The following NUP153 variants were observed in gnomAD, a reference collection of about 807,000 sequenced individuals.
The protein encoded by NUP153 is nuclear pore complex protein Nup153.
A neutral mutation model predicts 134.6 loss-of-function variants in NUP153; 27 were observed. The observed-to-expected ratio is 0.20, with a 90% CI of 0.15 to 0.28. The LOEUF is 0.28. NUP153 is among the 10% of genes least tolerant of loss of function. The probability of loss-of-function intolerance (pLI) is 1.00; values close to 1 mark genes in which losing one functional copy is unlikely to be tolerated. For synonymous variants in NUP153, 640 were observed against 623.5 expected (o/e 1.03, Z -0.40); for missense variants, 1,821 against 1,731.3 (o/e 1.05, Z -0.92).
At chr6:17,698,511 G>T (rs1769813376) in intron 1 of NUP153, among the ~76,000 whole-genome samples, 1 of 152,116 alleles carries the variant, frequency 6.6e-6, no homozygotes, top group Non-Finnish European at 1.5e-5. Context: ...GGCCGAGGTG[G>T]GCGGATCACA....
chr6:17,706,432 G>A lies in NUP153; in HGVS notation c.-45C>T, dbSNP rs779991166. ...CCCGCTCCGGGGCGGGTAAGGGGGC[G>A]GGAGAGGCAGAGGCGGAGGCCTTAG... On this transcript the variant is annotated 5_prime_UTR_variant, in exon 1 of 22. Transcript: ENST00000262077. The surrounding 1 kb of genome is among the most constrained non-coding windows in gnomAD (Gnocchi z 5.9). The A allele has an allele frequency of 4.0e-6, 6 of 1,508,660 alleles. No individual in the cohort carries two copies. In the South Asian group the frequency reaches 4.5e-5, roughly 11 times the overall value. The allele number at this position is 1,508,660 out of a possible 1,614,324, so 93.5% of individuals were successfully genotyped here.
intron 1 of NUP153, among the ~76,000 whole-genome samples, chr6:17,697,749 A>T (rs1362288764): frequency 1.3e-5 from 2 of 151,152 alleles, no homozygotes. Context: ...ACACTAACTC[A>T]GAAACAGCTG....
chr6:17,683,631 G>A (rs985354276), intron 2 of NUP153, among the ~76,000 whole-genome samples: 2 of 152,152 alleles, frequency 1.3e-5, no homozygotes, highest in African/African-American at 4.8e-5. Context: ...CACAGGCAGA[G>A]TAGATTTAGC....
intron 2 of NUP153, among the ~76,000 whole-genome samples, chr6:17,684,723 A>G (rs887889965): frequency 3.3e-5 from 5 of 152,188 alleles, no homozygotes; most frequent in African/African-American, 1.2e-4. Flanking sequence ...CAGCTTTTGG[A>G]TAAAAGACGG....
chr6:17,677,949 ACACATTAC>A (rs1180937120), intron 2 of NUP153, among the ~76,000 whole-genome samples: 1 of 152,096 alleles, frequency 6.6e-6, no homozygotes, highest in Non-Finnish European at 1.5e-5. Flanking sequence ...TCTTATTCTA[ACACATTAC>A]CACATCCCCA....
intron 11 of NUP153, 108 bp downstream of exon 11, chr6:17,661,545 A>G: frequency 2.0e-6 from 2 of 1,024,054 alleles, no homozygotes; most frequent in Non-Finnish European, 1.3e-6. Context: ...TAGCAGATTA[A>G]TTTTGCTCTG....
At chr6:17,646,918 C>CTTTTTT (rs376244443) in intron 13 of NUP153, among the ~76,000 whole-genome samples, 4 of 131,112 alleles carry the variant, frequency 3.1e-5, no homozygotes, top group African/African-American at 5.7e-5. Context: ...TCTGTATTTT[C>CTTTTTT]TTTTTTTTTT....
intron 20 of NUP153, among the ~76,000 whole-genome samples, chr6:17,620,734 G>C (rs1764605193): frequency 6.6e-6 from 1 of 152,082 alleles, no homozygotes; most frequent in African/African-American, 2.4e-5. Context: ...AATGTATCTT[G>C]TGTTTGGCCG....
intron 14 of NUP153, among the ~76,000 whole-genome samples, chr6:17,644,345 A>G (rs762375642): frequency 6.6e-6 from 1 of 152,080 alleles, no homozygotes; most frequent in Non-Finnish European, 1.5e-5. Flanking sequence ...TGCTATCACT[A>G]TACTCACATC....
intron 11 of NUP153, among the ~76,000 whole-genome samples, chr6:17,657,801 T>C (rs114812432): frequency 0.011 from 1,644 of 152,358 alleles, 14 homozygotes; most frequent in Non-Finnish European, 0.019. Context: ...CAAACGTAAT[T>C]GCAGTTTTGC....
intron 2 of NUP153, among the ~76,000 whole-genome samples, chr6:17,678,876 T>C (rs1768399282): frequency 6.6e-6 from 1 of 150,808 alleles, no homozygotes; most frequent in African/African-American, 2.4e-5. Context: ...AGCCCAGGAG[T>C]TCAAGGCTGC....
chr6:17,675,148 T>G lies in NUP153; in HGVS notation c.723+81A>C. On this transcript the variant is annotated intron_variant, in intron 4 of 21. Coordinates refer to ENST00000262077, the MANE Select transcript of NUP153 (RefSeq NM_005124.4). The surrounding 1 kb of genome is among the most constrained non-coding windows in gnomAD (Gnocchi z 4.4). ...AGCCTGGGCAACAGCAAAAGACTCT[T>G]GTCTCAGAAAAAAAAAAAAAAATTA... is the stretch of plus-strand genomic sequence containing the variant. The G allele has an allele frequency of 6.5e-7, 1 of 1,542,762 alleles. No individual in the cohort carries two copies. The highest frequency in any genetic ancestry group is 8.8e-7 in the Non-Finnish European group (1 of 1,139,132).
intron 8 of NUP153, among the ~76,000 whole-genome samples, chr6:17,667,084 T>G (rs1581730464): frequency 6.6e-6 from 1 of 152,362 alleles, no homozygotes; most frequent in Admixed American, 6.5e-5. Context: ...AAACTGTTAT[T>G]GATAAGAACT....
chr6:17,688,609 T>A lies in NUP153; in HGVS notation c.121A>T (p.Ser41Cys), dbSNP rs759847131. ...TTCTTAACAGATTCTGTAACCCTGC[T>A]AAGAATGCCCTGTTGAGAGAAAAAA... ...QGRQQHQGIL[S>C]RVTESVKNIV... The change falls in exon 2 of 22, where the codon AGC becomes TGC. Residue 41 changes from serine (S) to cysteine (C), a missense_variant. Ser to Cys is a moderately radical substitution (Grantham distance 112, BLOSUM62 -1). Transcript: ENST00000262077. 1.9e-6 allele frequency: 3 copies of A among 1,610,866 alleles called. No individual in the cohort carries two copies. The African/African-American group carries it at 4.0e-5, about 22-fold the overall frequency.
intron 5 of NUP153, among the ~76,000 whole-genome samples, chr6:17,671,594 C>T (rs9371007): frequency 0.45 from 68,224 of 151,926 alleles, 16,159 homozygotes; most frequent in Middle Eastern, 0.74. Context: ...CACTACAAAA[C>T]ACTGATGAAA....
chr6:17,667,453 G>A (rs566633959), intron 8 of NUP153, among the ~76,000 whole-genome samples: 6 of 152,278 alleles, frequency 3.9e-5, no homozygotes, highest in East Asian at 1.9e-4. Context: ...GGTGGCTCAC[G>A]CCTGTAATCC....
rs1389702878 is a variant in NUP153 at position 17,663,260 on chromosome 6, C to CACAT, written c.1216-1191_1216-1190insATGT. ...ACACACACACACACACACACACACA[C>CACAT]ATATATATATATATATTTTGAGTCA... is the stretch of plus-strand genomic sequence containing the variant. On this transcript the variant is annotated intron_variant, in intron 9 of 21. Coordinates refer to ENST00000262077, the MANE Select transcript of NUP153 (RefSeq NM_005124.4). Among the ~76,000 whole-genome samples the CACAT allele has an allele frequency of 5.5e-3, 771 of 140,054 alleles. 4 individuals are homozygous for CACAT. The highest frequency in any genetic ancestry group is 0.011 in the African/African-American group (419 of 38,248). The allele number at this position is 140,054 out of a possible 152,430, so 91.9% of individuals were successfully genotyped here.
chr6:17,623,984 A>G (rs187476914), intron 20 of NUP153, among the ~76,000 whole-genome samples: 17 of 152,294 alleles, frequency 1.1e-4, no homozygotes, highest in African/African-American at 3.8e-4. Context: ...ATTTGCTTCA[A>G]TATTACACTG....
At chr6:17,618,108 T>G (rs529179305) in intron 20 of NUP153, among the ~76,000 whole-genome samples, 6 of 152,172 alleles carry the variant, frequency 3.9e-5, no homozygotes, top group Non-Finnish European at 7.3e-5. Flanking sequence ...TGCAGGAGAC[T>G]GGATGCATCT....
Sources: allele counts gnomAD v4.1 joint callset (sites outside exome capture counted in the v4.1 genomes callset), GRCh38; gene constraint gnomAD v4.1.1; non-coding constraint Gnocchi (gnomAD v3.1); transcripts MANE v1.5; gene names NCBI Gene and HGNC (gene_info 2026-07-23, HGNC 2026-07-21).